Variants in FARS2 observed in about 807,000 individuals in gnomAD.
FARS2 encodes phenylalanine--tRNA ligase, mitochondrial.
In FARS2, 40 loss-of-function variants were observed where a neutral mutation model predicts 46.4. The ratio of observed to expected loss-of-function variants is 0.86; its 90% CI spans 0.67 to 1.12. The LOEUF (loss-of-function observed/expected upper bound fraction) is 1.12, where lower values mean the gene tolerates loss of function less well. FARS2 is among the 50% of genes most tolerant of loss of function. The pLI is 0.00. For synonymous variants in FARS2, 234 were observed against 214.9 expected (o/e 1.09, Z -0.78); for missense variants, 513 against 567.9 (o/e 0.90, Z 0.98).
At chr6:5,739,239 T>C (rs1761155491) in intron 6 of FARS2, among the ~76,000 whole-genome samples, 1 of 151,736 alleles carries the variant, frequency 6.6e-6, no homozygotes, top group African/African-American at 2.4e-5. Flanking sequence ...CTCATGCCTG[T>C]AATCCCAGTG....
chr6:5,666,989 G>A (rs1778158451), intron 6 of FARS2, among the ~76,000 whole-genome samples: 1 of 152,152 alleles, frequency 6.6e-6, no homozygotes, highest in African/African-American at 2.4e-5. Context: ...AATATTGAAT[G>A]TTCTCACGTA....
chr6:5,553,175 T>C (rs1027837282), intron 5 of FARS2, among the ~76,000 whole-genome samples: 1 of 152,232 alleles, frequency 6.6e-6, no homozygotes, highest in African/African-American at 2.4e-5. Context: ...AGGGTTTTAC[T>C]GGCTCTCTTC....
chr6:5,474,909 C>T (rs1452431895), intron 4 of FARS2, among the ~76,000 whole-genome samples: 6 of 152,122 alleles, frequency 3.9e-5, no homozygotes, highest in African/African-American at 1.4e-4. Context: ...CCACCCACCT[C>T]GGCCTCCCAA....
At chr6:5,355,379 T>G (rs995095700) in intron 1 of FARS2, among the ~76,000 whole-genome samples, 8 of 149,922 alleles carry the variant, frequency 5.3e-5, no homozygotes, top group South Asian at 2.1e-4. Flanking sequence ...TTTTTGTTTT[T>G]TTTTTTTTTT....
At chr6:5,468,744 T>G (rs912186661) in intron 4 of FARS2, among the ~76,000 whole-genome samples, 1 of 152,216 alleles carries the variant, frequency 6.6e-6, no homozygotes, top group Admixed American at 6.5e-5. Context: ...TTCACAAGAA[T>G]GCGATGCTAG....
In FARS2 at chr6:5,520,649, A is replaced by G. The variant is rs979852068; in HGVS notation, c.905-24531A>G. Among the ~76,000 whole-genome samples, 25 of 152,250 alleles carry G rather than the reference A, an allele frequency of 1.6e-4. 1 individual carries two copies. The South Asian group carries it at 2.1e-3, about 13-fold the overall frequency. ...GTCTTGTTTGACTACCTTTTTGCCAATGTTTTTCATTGTCAAACTGACACA... is the reference window on the plus strand; with the variant it reads ...GTCTTGTTTGACTACCTTTTTGCCAGTGTTTTTCATTGTCAAACTGACACA... On this transcript the variant is annotated intron_variant, in intron 4 of 6. Transcript: ENST00000274680.
chr6:5,609,054 A>C (rs1775015079), intron 5 of FARS2, among the ~76,000 whole-genome samples: 1 of 152,140 alleles, frequency 6.6e-6, no homozygotes, highest in Non-Finnish European at 1.5e-5. Context: ...TTAGTCACAA[A>C]TACAGTCCTC....
At chr6:5,314,420 G>A (rs1769301873) in intron 1 of FARS2, among the ~76,000 whole-genome samples, 1 of 152,126 alleles carries the variant, frequency 6.6e-6, no homozygotes, top group Admixed American at 6.5e-5. Flanking sequence ...CTGGGAGATT[G>A]TTTCCTTGTT....
intron 6 of FARS2, among the ~76,000 whole-genome samples, chr6:5,734,155 T>A (rs1760805809): frequency 6.6e-6 from 1 of 152,186 alleles, no homozygotes; most frequent in Non-Finnish European, 1.5e-5. Flanking sequence ...CCCTGTATAA[T>A]TCTTGTGAGA....
At chr6:5,651,328 G>T (rs1033255411) in intron 6 of FARS2, among the ~76,000 whole-genome samples, 1 of 152,184 alleles carries the variant, frequency 6.6e-6, no homozygotes, top group Non-Finnish European at 1.5e-5. Context: ...CAGGACTGTC[G>T]ATTGAAAATG....
At chr6:5,454,683 G>A (rs576693465) in intron 4 of FARS2, among the ~76,000 whole-genome samples, 2 of 152,144 alleles carry the variant, frequency 1.3e-5, no homozygotes, top group Admixed American at 1.3e-4. Flanking sequence ...TTAACTCTCG[G>A]TCCCGATAAT....
At chr6:5,410,833 C>A (rs775014460) in intron 3 of FARS2, among the ~76,000 whole-genome samples, 11 of 152,036 alleles carry the variant, frequency 7.2e-5, no homozygotes, top group African/African-American at 2.4e-4. Context: ...GGAATCACAT[C>A]AAAAATTTTA....
chr6:5,752,093 G>A (rs1582880940), intron 6 of FARS2, among the ~76,000 whole-genome samples: 2 of 152,072 alleles, frequency 1.3e-5, no homozygotes. Context: ...TGATTTATAC[G>A]AAACACTCAA....
At chr6:5,701,286 A>T (rs1037563975) in intron 6 of FARS2, among the ~76,000 whole-genome samples, 1 of 152,254 alleles carries the variant, frequency 6.6e-6, no homozygotes, top group African/African-American at 2.4e-5. Context: ...GGTCAAACAC[A>T]TGAAAAGCCG....
chr6:5,552,063 A>G (rs1338180315), intron 5 of FARS2, among the ~76,000 whole-genome samples: 2 of 152,228 alleles, frequency 1.3e-5, no homozygotes, highest in African/African-American at 2.4e-5. Context: ...CACTTGTGCC[A>G]TTTTATATCC....
chr6:5,555,784 G>GA (rs1771622073), intron 5 of FARS2, among the ~76,000 whole-genome samples: 1 of 152,024 alleles, frequency 6.6e-6, no homozygotes, highest in African/African-American at 2.4e-5. Context: ...GTTTATCTCA[G>GA]AAAAAAACTA....
intron 5 of FARS2, among the ~76,000 whole-genome samples, chr6:5,558,596 G>A (rs750557969): frequency 6.6e-6 from 1 of 151,982 alleles, no homozygotes; most frequent in East Asian, 1.9e-4. Context: ...GAGTGCAGTG[G>A]CATGATCTCG....
At chr6:5,655,733 T>C (rs951814639) in intron 6 of FARS2, among the ~76,000 whole-genome samples, 7 of 152,216 alleles carry the variant, frequency 4.6e-5, no homozygotes, top group African/African-American at 1.2e-4. Flanking sequence ...CACAGTCCTT[T>C]TTGCCATGTA....
chr6:5,721,422 G>C (rs1472031457), intron 6 of FARS2, among the ~76,000 whole-genome samples: 4 of 152,190 alleles, frequency 2.6e-5, no homozygotes, highest in Non-Finnish European at 5.9e-5. Context: ...TTAAAAGTTA[G>C]TTGCATTGTG....
Sources: gnomAD v4.1 joint callset for allele counts (sites outside exome capture counted in the v4.1 genomes callset) on GRCh38, gnomAD v4.1.1 for gene constraint, MANE v1.5 for transcripts, NCBI Gene and HGNC (gene_info 2026-07-23, HGNC 2026-07-21) for gene names.